WDFY3: variants seen among roughly 807,000 people sequenced by gnomAD.
WDFY3 encodes the protein WD repeat and FYVE domain-containing protein 3.
In WDFY3, 66 loss-of-function variants were observed where a neutral mutation model predicts 409.6. The observed-to-expected ratio is 0.16, with a 90% CI of 0.13 to 0.20. The LOEUF (loss-of-function observed/expected upper bound fraction) is 0.20. Among genes scored for constraint, WDFY3 ranks in the 10% least tolerant of loss-of-function variants. The pLI, the probability that WDFY3 is intolerant of heterozygous loss-of-function variation, is 1.00. For synonymous variants in WDFY3, 1,521 were observed against 1,537.1 expected, an observed-to-expected ratio of 0.99 and a Z score of 0.25; for missense variants, 3,031 against 4,298.1, an observed-to-expected ratio of 0.71 and a Z score of 8.24.
rs142125097 is a variant in WDFY3, at chr4:84,751,788, A to T, written c.5740-72T>A. ...CATTTTTACTTCTGTGTTTCCTAAAAATAAAACTGGAGCAGCAGCATTTTC... is the reference window on the plus strand; with the variant it reads ...CATTTTTACTTCTGTGTTTCCTAAATATAAAACTGGAGCAGCAGCATTTTC... On this transcript the variant is annotated intron_variant, in intron 35 of 67. Transcript: ENST00000295888. 1,346 of 1,529,544 alleles carry T rather than the reference A, an allele frequency of 8.8e-4. 10 individuals carry two copies. In the African/African-American group the frequency reaches 0.016, roughly 18 times the overall value. The allele number at this position is 1,529,544 out of a possible 1,614,324, so 94.7% of individuals were successfully genotyped here. A position where few individuals can be genotyped will look rare whatever the true frequency, so the allele number is the denominator to read the frequency against.
intron 58 of WDFY3, among the ~76,000 whole-genome samples, chr4:84,694,436 G>T (rs1413928907): frequency 6.6e-6 from 1 of 152,178 alleles, no homozygotes; most frequent in Non-Finnish European, 1.5e-5. Flanking sequence ...CAGACTTCTG[G>T]CCTCTTCTAC....
intron 5 of WDFY3, among the ~76,000 whole-genome samples, chr4:84,845,250 A>C (rs188282195): frequency 5.6e-4 from 86 of 152,352 alleles, no homozygotes; most frequent in Non-Finnish European, 1.3e-4. Context: ...CAAAGGAATA[A>C]TAAAAGGTTC....
chr4:84,801,545 A>C, intron 17 of WDFY3, 105 bp downstream of exon 17: 1 of 1,242,152 alleles, frequency 8.1e-7, no homozygotes, highest in Non-Finnish European at 1.1e-6. Flanking sequence ...TTTTGCCCAT[A>C]GATAACTGAA....
chr4:84,844,615 G>T, intron 5 of WDFY3: 1 of 940,188 alleles, frequency 1.1e-6, no homozygotes, highest in Non-Finnish European at 1.5e-6. Flanking sequence ...TCCATTGCTG[G>T]ATTGCTGCCC....
chr4:84,682,520 A>C, intron 63 of WDFY3, 50 bp from the exon 64 acceptor site: 1 of 1,454,464 alleles, frequency 6.9e-7, no homozygotes, highest in Non-Finnish European at 9.6e-7. Context: ...CAGATTAAGG[A>C]ACCAATTTAC....
At chr4:84,717,472 G>A (rs1734130728) in intron 48 of WDFY3, among the ~76,000 whole-genome samples, 1 of 152,144 alleles carries the variant, frequency 6.6e-6, no homozygotes, top group South Asian at 2.1e-4. Context: ...GATTGTTGTT[G>A]ACAGTAATTA....
At chr4:84,702,683 A>C (rs1731235740) in intron 55 of WDFY3, among the ~76,000 whole-genome samples, 177 bp from the exon 56 acceptor site, 1 of 152,236 alleles carries the variant, frequency 6.6e-6, no homozygotes. Flanking sequence ...TCTTTGGGGT[A>C]ATCCTTACAG....
chr4:84,787,534 A>G lies in WDFY3; in HGVS notation c.3849T>C (p.Ile1283=). The change falls in exon 23 of 68, where the codon ATT becomes ATC. Residue 1283 remains isoleucine, a synonymous_variant. Transcript: ENST00000295888. ...EVLPSSNVTT[I]YELGPNYVGS... ...CAACATAATTTGGTCCAAGTTCATA[A>G]ATGGTAGTAACATTTGAAGAAGGTA... 1 of 1,614,212 alleles carries G rather than the reference A, an allele frequency of 6.2e-7. No individual in the cohort carries two copies. The highest frequency in any genetic ancestry group is 1.1e-5 in the South Asian group (1 of 91,084).
In WDFY3 at chr4:84,770,693, C is replaced by CT. The variant is rs1353018577; in HGVS notation, c.4849+2141dup. Among the ~76,000 whole-genome samples the CT allele has an allele frequency of 2.0e-5, 3 of 152,148 alleles. No homozygotes were observed. The East Asian group carries it at 5.8e-4, about 29-fold the overall frequency. On this transcript the variant is annotated intron_variant, in intron 30 of 67. Transcript: ENST00000295888. The stretch of plus-strand genomic sequence containing the variant: ...CTCACCTCTTCTAAGAAGACAGAGA[C>CT]TGGTAATTTGAAAATTGCCTTATCA...
chr4:84,770,621 C>G (rs994218870), intron 30 of WDFY3, among the ~76,000 whole-genome samples: 1 of 152,096 alleles, frequency 6.6e-6, no homozygotes, highest in African/African-American at 2.4e-5. Context: ...TAACTTAGTA[C>G]CTTAATCATT....
chr4:84,768,096 C>CA (rs1744005768), intron 30 of WDFY3, among the ~76,000 whole-genome samples: 1 of 151,780 alleles, frequency 6.6e-6, no homozygotes, highest in Admixed American at 6.6e-5. Flanking sequence ...AACAAATAGA[C>CA]AAAAAGAAAA....
At chr4:84,844,611 G>T in intron 5 of WDFY3, 1 of 949,324 alleles carries the variant, frequency 1.1e-6, no homozygotes, top group Non-Finnish European at 1.4e-6. Flanking sequence ...TCTCTCCATT[G>T]CTGGATTGCT....
rs554346608 is a variant in WDFY3, at chr4:84,835,479, A to G, written c.576+1450T>C. Among the ~76,000 whole-genome samples, 310 of 152,352 alleles carry G rather than the reference A, an allele frequency of 2.0e-3. 1 individual carries two copies. Among genetic ancestry groups the G allele is most frequent in the Admixed American group, 4.5e-3 (69 of 15,312 alleles). ...TTACATAATCATTTTGGGGAAAAAC[A>G]AAAGCTCTGAAGTCGTGGGGTTATC... On this transcript the variant is annotated intron_variant, in intron 7 of 67. Coordinates refer to ENST00000295888, the MANE Select transcript of WDFY3 (RefSeq NM_014991.6).
At chr4:84,928,748 G>C (rs77894619) in intron 2 of WDFY3, among the ~76,000 whole-genome samples, 1 of 152,078 alleles carries the variant, frequency 6.6e-6, no homozygotes, top group Non-Finnish European at 1.5e-5. Context: ...AATAACCTCA[G>C]ACCTCTTACT....
intron 3 of WDFY3, among the ~76,000 whole-genome samples, chr4:84,888,921 T>C (rs1005362351): frequency 2.0e-5 from 3 of 152,148 alleles, no homozygotes; most frequent in African/African-American, 7.2e-5. Context: ...TTCAGAAGCT[T>C]GTATTTTTTA....
intron 56 of WDFY3, among the ~76,000 whole-genome samples, chr4:84,700,832 G>A (rs1347978406): frequency 1.3e-5 from 2 of 152,248 alleles, no homozygotes; most frequent in Non-Finnish European, 2.9e-5. Flanking sequence ...GCTGTGCGTG[G>A]TGGCTCACGC....
chr4:84,870,518 C>T (rs1005704388), intron 3 of WDFY3, among the ~76,000 whole-genome samples: 1 of 152,106 alleles, frequency 6.6e-6, no homozygotes, highest in Non-Finnish European at 1.5e-5. Flanking sequence ...GGGTTGCAAT[C>T]ACACTAGGTT....
At chr4:84,953,443 T>C (rs572817476) in intron 1 of WDFY3, among the ~76,000 whole-genome samples, 4 of 152,160 alleles carry the variant, frequency 2.6e-5, no homozygotes, top group Admixed American at 6.5e-5. Context: ...AGGGGAAAAA[T>C]GGGTAATTAT....
At chr4:84,841,735 T>C (rs1056853423) in intron 5 of WDFY3, among the ~76,000 whole-genome samples, 2 of 152,156 alleles carry the variant, frequency 1.3e-5, no homozygotes, top group Non-Finnish European at 2.9e-5. Flanking sequence ...ATACCAACAG[T>C]AGTGATTTAA....
Sources: gnomAD v4.1 joint callset for allele counts (sites outside exome capture counted in the v4.1 genomes callset) on GRCh38, gnomAD v4.1.1 for gene constraint, MANE v1.5 for transcripts, NCBI Gene and HGNC (gene_info 2026-07-23, HGNC 2026-07-21) for gene names.